SCN9A: variants seen among roughly 807,000 people sequenced by gnomAD.
SCN9A encodes sodium voltage-gated channel alpha subunit 9, also known as sodium channel protein type 9 subunit alpha.
In SCN9A, 131 loss-of-function variants were observed where a neutral mutation model predicts 187.0. The ratio of observed to expected loss-of-function variants is 0.70; its 90% CI spans 0.61 to 0.81. The LOEUF (loss-of-function observed/expected upper bound fraction) is 0.81. Among genes scored for constraint, SCN9A ranks in the 30% least tolerant of loss-of-function variants. The probability of loss-of-function intolerance (pLI) is 0.00; values close to 1 mark genes in which losing one functional copy is unlikely to be tolerated. For missense variants in SCN9A, 2,252 were observed against 2,396.6 expected (o/e 0.94, Z 1.26); for synonymous variants, 809 against 808.6 (o/e 1.00, Z -0.01).
At chr2:166,264,382 G>A (rs984317258) in intron 17 of SCN9A, among the ~76,000 whole-genome samples, 4 of 151,940 alleles carry the variant, frequency 2.6e-5, no homozygotes, top group Non-Finnish European at 5.9e-5. Flanking sequence ...CATCAGTTCA[G>A]TGCCTGCATT....
intron 17 of SCN9A, among the ~76,000 whole-genome samples, chr2:166,271,714 T>C (rs1696995417): frequency 6.6e-6 from 1 of 151,842 alleles, no homozygotes; most frequent in African/African-American, 2.4e-5. Flanking sequence ...AAAAATTAGC[T>C]GGGTGTTGTG....
At chr2:166,207,421 G>T (rs1000045575) in intron 24 of SCN9A, among the ~76,000 whole-genome samples, 4 of 110,752 alleles carry the variant, frequency 3.6e-5, no homozygotes, top group Admixed American at 1.0e-4. Context: ...TTCTGCCTTA[G>T]AGTGTTTTTG....
intron 17 of SCN9A, among the ~76,000 whole-genome samples, chr2:166,264,319 T>C (rs1227353051): frequency 6.6e-6 from 1 of 151,724 alleles, no homozygotes; most frequent in Non-Finnish European, 1.5e-5. Context: ...ATGTTTGGAG[T>C]GTGCTTGGAG....
rs1384683887 is a variant in SCN9A, at chr2:166,196,733, T to C, written c.*1939A>G. ...TCCAACAGGCTTGGTAGGTATGTGA[T>C]AAAATGATCTATGTAGTCTCGGAAA... On this transcript the variant is annotated 3_prime_UTR_variant, in exon 27 of 27. Coordinates refer to ENST00000642356, the MANE Select transcript of SCN9A (RefSeq NM_001365536.1). 1 of 152,134 alleles carries C rather than the reference T, an allele frequency of 6.6e-6. No individual in the cohort carries two copies. Among genetic ancestry groups the C allele is most frequent in the Non-Finnish European group, 1.5e-5 (1 of 67,982 alleles). The allele number at this position is 152,134 out of a possible 1,614,324, so 9.4% of individuals were successfully genotyped here. A position where few individuals can be genotyped will look rare whatever the true frequency, so the allele number is the denominator to read the frequency against.
chr2:166,198,875 T>C lies in SCN9A; in HGVS notation c.5764A>G (p.Arg1922Gly), dbSNP rs984887572. 3 of 1,613,702 alleles carry C rather than the reference T, an allele frequency of 1.9e-6. No homozygotes were observed. The highest frequency in any genetic ancestry group is 8.5e-7 in the Non-Finnish European group (1 of 1,179,728). ...TTTTTATTGAGTAAATCATCATCTCTGTCTCCATCTTTTATGTATATACTT... is the reference window on the plus strand; with the variant it reads ...TTTTTATTGAGTAAATCATCATCTCCGTCTCCATCTTTTATGTATATACTT... ...ISSIYIKDGD[R>G]DDDLLNKKDM... The change falls in exon 27 of 27, where the codon AGA (arginine) becomes GGA (glycine). Residue 1922 changes from arginine (R) to glycine (G), a missense_variant. Coordinates refer to ENST00000642356, the MANE Select transcript of SCN9A (RefSeq NM_001365536.1).
At chr2:166,251,103 G>A (rs1443538348) in intron 18 of SCN9A, among the ~76,000 whole-genome samples, 2 of 152,056 alleles carry the variant, frequency 1.3e-5, no homozygotes, top group East Asian at 3.9e-4. Flanking sequence ...TCAAGAGTGA[G>A]GTTAGAGGTA....
Position 166,293,357 on chromosome 2 carries a change from CCCCT to C in SCN9A, c.977_980del (p.Glu326GlyfsTer5). 6.2e-7 allele frequency: 1 copy of C among 1,608,352 alleles called. No individual in the cohort carries two copies. The highest frequency in any genetic ancestry group is 8.5e-7 in the Non-Finnish European group (1 of 1,177,162). On this transcript the variant is annotated frameshift_variant, in exon 9 of 27. Coordinates refer to ENST00000642356, the MANE Select transcript of SCN9A (RefSeq NM_001365536.1). LOFTEE classifies it high-confidence loss of function. ...TTCTGCCAATTTTCACACAGGTGTA[CCCCT>C]CTGGACACTGACTACACACGAGAAA...
chr2:166,277,745 A>G (rs1273769848), intron 15 of SCN9A: 3 of 219,460 alleles, frequency 1.4e-5, no homozygotes, highest in Non-Finnish European at 2.7e-5. Flanking sequence ...ATTTGTTTTT[A>G]TATTGTTAAG....
chr2:166,248,971 T>C (rs1275172155), intron 18 of SCN9A, among the ~76,000 whole-genome samples: 1 of 152,054 alleles, frequency 6.6e-6, no homozygotes, highest in Admixed American at 6.6e-5. Context: ...ACCCAGCCTC[T>C]GACCTTAACT....
chr2:166,336,541 A>T (rs1699632741), intron 1 of SCN9A, among the ~76,000 whole-genome samples: 1 of 152,092 alleles, frequency 6.6e-6, no homozygotes, highest in Non-Finnish European at 1.5e-5. Context: ...GATTAAGCTG[A>T]GGTTGAGAAA....
At chr2:166,322,492 A>G (rs935962103) in intron 1 of SCN9A, among the ~76,000 whole-genome samples, 2 of 152,122 alleles carry the variant, frequency 1.3e-5, no homozygotes, top group Non-Finnish European at 2.9e-5. Context: ...TGAGTTAATA[A>G]TCATGCTCCG....
intron 17 of SCN9A, among the ~76,000 whole-genome samples, chr2:166,265,583 T>C (rs1451660844): frequency 6.6e-6 from 1 of 152,004 alleles, no homozygotes; most frequent in Non-Finnish European, 1.5e-5. Flanking sequence ...ATTTACTTAG[T>C]ATTGGGACTG....
chr2:166,263,076 TC>T (rs1369713514), intron 17 of SCN9A, among the ~76,000 whole-genome samples: 1 of 151,840 alleles, frequency 6.6e-6, no homozygotes, highest in Non-Finnish European at 1.5e-5. Context: ...TATACCCTTC[TC>T]CCCTGGAAAG....
At chr2:166,297,526 A>G (rs1470127192) in intron 7 of SCN9A, among the ~76,000 whole-genome samples, 1 of 152,150 alleles carries the variant, frequency 6.6e-6, no homozygotes, top group African/African-American at 2.4e-5. Context: ...GCCATATATT[A>G]TATGCTTCCA....
intron 9 of SCN9A, among the ~76,000 whole-genome samples, chr2:166,292,778 T>C (rs969337035): frequency 6.6e-6 from 1 of 152,066 alleles, no homozygotes. Flanking sequence ...TTGGGAGCAA[T>C]TGATTTGGGA....
rs200356611 is a variant in SCN9A at position 166,311,785 on chromosome 2, T to C, written c.-29A>G. Reference sequence around the variant, plus strand: ...TTCATCCTGTATATTTTAATTCCTCTTCAGCTCCTCACATAAGAGGCCTGG... The same window carrying C: ...TTCATCCTGTATATTTTAATTCCTCCTCAGCTCCTCACATAAGAGGCCTGG... On this transcript the variant is annotated 5_prime_UTR_variant, in exon 2 of 27. Coordinates refer to ENST00000642356, the MANE Select transcript of SCN9A (RefSeq NM_001365536.1). The C allele has an allele frequency of 3.9e-6, 6 of 1,551,686 alleles. No individual in the cohort carries two copies. The highest frequency in any genetic ancestry group is 5.2e-6 in the Non-Finnish European group (6 of 1,144,558).
chr2:166,353,045 A>G (rs145575900), intron 1 of SCN9A, among the ~76,000 whole-genome samples: 2 of 151,562 alleles, frequency 1.3e-5, no homozygotes, highest in Non-Finnish European at 2.9e-5. Context: ...AAAACATCAC[A>G]AATTTCTTTT....
At chr2:166,202,022 G>T (rs1574701240) in intron 26 of SCN9A, among the ~76,000 whole-genome samples, 1 of 151,158 alleles carries the variant, frequency 6.6e-6, no homozygotes, top group Admixed American at 6.6e-5. Context: ...GTGTCTATTG[G>T]GATTTTTACT....
At chr2:166,210,150 C>G (rs1214861469) in intron 24 of SCN9A, among the ~76,000 whole-genome samples, 2 of 152,126 alleles carry the variant, frequency 1.3e-5, no homozygotes, top group Non-Finnish European at 2.9e-5. Flanking sequence ...AGCTCAAGTC[C>G]TTTGCAGGGA....
Sources: gnomAD v4.1 joint callset for allele counts (sites outside exome capture counted in the v4.1 genomes callset) on GRCh38, gnomAD v4.1.1 for gene constraint, MANE v1.5 for transcripts, NCBI Gene and HGNC (gene_info 2026-07-23, HGNC 2026-07-21) for gene names.